The following DLGAP1 variants were observed in gnomAD, a reference collection of about 807,000 sequenced individuals.
DLGAP1 encodes DLG associated protein 1, also known as disks large-associated protein 1.
A neutral mutation model predicts 90.8 loss-of-function variants in DLGAP1; 11 were observed. The ratio of observed to expected loss-of-function variants is 0.12; its 90% CI spans 0.08 to 0.20. The LOEUF (loss-of-function observed/expected upper bound fraction) is 0.20, where lower values mean the gene tolerates loss of function less well. Ranked by LOEUF, DLGAP1 falls within the 10% of genes least tolerant of loss-of-function variation. The pLI is 1.00. For synonymous variants in DLGAP1, 558 were observed against 540.7 expected (o/e 1.03, Z -0.44); for missense variants, 1,050 against 1,333.8 (o/e 0.79, Z 3.31).
At chr18:4,206,212 A>G (rs2077717392) in intron 1 of DLGAP1, among the ~76,000 whole-genome samples, 1 of 152,080 alleles carries the variant, frequency 6.6e-6, no homozygotes, top group Non-Finnish European at 1.5e-5. Flanking sequence ...ATAGGTCTCA[A>G]AAGTAATTTC....
intron 5 of DLGAP1, among the ~76,000 whole-genome samples, chr18:3,759,618 G>T (rs922136690): frequency 2.6e-5 from 4 of 152,166 alleles, no homozygotes; most frequent in African/African-American, 9.7e-5. Flanking sequence ...TATGCATGAC[G>T]CTTATGCTGG....
At chr18:3,552,216 C>G (rs770111905) in intron 9 of DLGAP1, among the ~76,000 whole-genome samples, 10 of 151,998 alleles carry the variant, frequency 6.6e-5, no homozygotes, top group Non-Finnish European at 1.3e-4. Flanking sequence ...TCTTTACTCA[C>G]CTTTCCTCTC....
chr18:4,138,778 T>A (rs1174112629), intron 2 of DLGAP1, among the ~76,000 whole-genome samples: 1 of 152,080 alleles, frequency 6.6e-6, no homozygotes, highest in Non-Finnish European at 1.5e-5. Flanking sequence ...GGGCTTTTCA[T>A]TTCTAGGAGA....
intron 3 of DLGAP1, among the ~76,000 whole-genome samples, chr18:4,000,448 T>A (rs951278347): frequency 6.6e-6 from 1 of 152,204 alleles, no homozygotes; most frequent in African/African-American, 2.4e-5. Context: ...CAAATGGCCA[T>A]CACATTTTGT....
chr18:3,933,275 G>A lies in DLGAP1; in HGVS notation c.-72-53135C>T, dbSNP rs147407252. On this transcript the variant is annotated intron_variant, in intron 3 of 12. Coordinates refer to ENST00000315677, the MANE Select transcript of DLGAP1 (RefSeq NM_004746.4). ...CTTCTGCCTTTCTGTAGCTTATAGT[G>A]CGGTGGGAAAATGGATGTGAATAAA... Among the ~76,000 whole-genome samples the A allele has an allele frequency of 7.2e-5, 11 of 152,308 alleles. No individual in the cohort carries two copies. The East Asian group carries it at 1.9e-3, about 27-fold the overall frequency.
chr18:4,042,308 C>T (rs1369601858), intron 2 of DLGAP1, among the ~76,000 whole-genome samples: 2 of 152,210 alleles, frequency 1.3e-5, no homozygotes, highest in East Asian at 1.9e-4. Context: ...ATGTAACTTA[C>T]TTCAAATTTA....
intron 10 of DLGAP1, among the ~76,000 whole-genome samples, chr18:3,509,746 G>T (rs2050436369): frequency 6.6e-6 from 1 of 152,184 alleles, no homozygotes; most frequent in Non-Finnish European, 1.5e-5. Flanking sequence ...CATTCTGAGC[G>T]ACGGAAACTG....
intron 3 of DLGAP1, among the ~76,000 whole-genome samples, chr18:3,936,908 C>T (rs1290511190): frequency 6.6e-6 from 1 of 152,152 alleles, no homozygotes; most frequent in African/African-American, 2.4e-5. Flanking sequence ...GGGAGGGACA[C>T]ACACCTGTTC....
chr18:3,802,776 T>A (rs1489495675), intron 5 of DLGAP1, among the ~76,000 whole-genome samples: 1 of 152,192 alleles, frequency 6.6e-6, no homozygotes, highest in Non-Finnish European at 1.5e-5. Context: ...CTCAGGGCAT[T>A]TAGCAGCTTG....
intron 5 of DLGAP1, among the ~76,000 whole-genome samples, chr18:3,784,786 A>C (rs1204481748): frequency 5.3e-5 from 8 of 152,218 alleles, no homozygotes; most frequent in Non-Finnish European, 1.0e-4. Flanking sequence ...AAACAAAGAT[A>C]ATCTCTAGAA....
intron 3 of DLGAP1, among the ~76,000 whole-genome samples, chr18:3,986,826 T>C (rs2073853846): frequency 6.6e-6 from 1 of 152,196 alleles, no homozygotes; most frequent in Non-Finnish European, 1.5e-5. Flanking sequence ...GATTGTACCT[T>C]GTTAAAATCA....
chr18:3,763,281 G>T (rs529783413), intron 5 of DLGAP1, among the ~76,000 whole-genome samples: 2 of 152,068 alleles, frequency 1.3e-5, no homozygotes, highest in African/African-American at 4.8e-5. Flanking sequence ...CTTGAACATC[G>T]GCCTCCAGAT....
chr18:4,046,325 A>G (rs1252746932), intron 2 of DLGAP1, among the ~76,000 whole-genome samples: 1 of 152,218 alleles, frequency 6.6e-6, no homozygotes, highest in African/African-American at 2.4e-5. Flanking sequence ...TATTTACCTA[A>G]TTATAGACCA....
intron 7 of DLGAP1, among the ~76,000 whole-genome samples, chr18:3,656,675 G>A (rs2059494991): frequency 6.6e-6 from 1 of 152,234 alleles, no homozygotes; most frequent in South Asian, 2.1e-4. Context: ...ATCTGAGCAA[G>A]TCAAGTTGTT....
At chr18:4,453,991 G>A (rs2083902387) in intron 1 of DLGAP1, among the ~76,000 whole-genome samples, 1 of 152,192 alleles carries the variant, frequency 6.6e-6, no homozygotes, top group African/African-American at 2.4e-5. Flanking sequence ...GGTCGGGCTG[G>A]AGGCAAGCCC....
intron 1 of DLGAP1, among the ~76,000 whole-genome samples, chr18:4,430,005 C>A (rs169456): frequency 0.86 from 131,512 of 152,148 alleles, 57,705 homozygotes; most frequent in East Asian, 0.96. Context: ...CAAAATCCAA[C>A]AAAAAGAACG....
intron 1 of DLGAP1, among the ~76,000 whole-genome samples, chr18:4,442,052 C>T (rs1323316096): frequency 5.9e-5 from 9 of 152,134 alleles, no homozygotes; most frequent in Non-Finnish European, 8.8e-5. Flanking sequence ...AGTGCAGTGG[C>T]GCGATCTCAG....
intron 1 of DLGAP1, among the ~76,000 whole-genome samples, chr18:4,413,380 G>A (rs752591641): frequency 6.6e-6 from 1 of 152,194 alleles, no homozygotes; most frequent in Non-Finnish European, 1.5e-5. Context: ...CTCTCCAAGA[G>A]AGAGATGGTC....
intron 3 of DLGAP1, among the ~76,000 whole-genome samples, chr18:4,001,515 TC>T (rs1326942877): frequency 6.6e-6 from 1 of 152,200 alleles, no homozygotes; most frequent in African/African-American, 2.4e-5. Flanking sequence ...TTTCTTGTAC[TC>T]TTAGGAGAGT....
Sources: allele counts gnomAD v4.1 joint callset (sites outside exome capture counted in the v4.1 genomes callset), GRCh38; gene constraint gnomAD v4.1.1; transcripts MANE v1.5; gene names NCBI Gene and HGNC (gene_info 2026-07-23, HGNC 2026-07-21).